The following BACE2 variants were observed in gnomAD, a reference collection of about 807,000 sequenced individuals.
BACE2 encodes the protein 56 kDa aspartic-like protease.
In BACE2, 17 loss-of-function variants were observed where a neutral mutation model predicts 46.2. That is an observed-to-expected ratio of 0.37 (90% CI 0.25 to 0.55). The LOEUF is 0.55. BACE2 is among the 20% of genes least tolerant of loss of function. The probability of loss-of-function intolerance (pLI) is 0.82; values close to 1 mark genes in which losing one functional copy is unlikely to be tolerated. For missense variants in BACE2, 595 were observed against 698.1 expected, an observed-to-expected ratio of 0.85 and a Z score of 1.66; for synonymous variants, 277 against 295.9, an observed-to-expected ratio of 0.94 and a Z score of 0.66.
intron 1 of BACE2, among the ~76,000 whole-genome samples, chr21:41,170,704 A>G (rs1984577938): frequency 6.6e-6 from 1 of 152,226 alleles, no homozygotes; most frequent in African/African-American, 2.4e-5. Flanking sequence ...TCATGCATTT[A>G]TTCTCTGCTG....
chr21:41,272,527 T>G (rs999461208), intron 8 of BACE2, among the ~76,000 whole-genome samples: 7 of 151,962 alleles, frequency 4.6e-5, no homozygotes, highest in South Asian at 2.1e-4. Context: ...ATTGTTTTGG[T>G]TTTTTTTAAA....
chr21:41,187,362 G>A (rs1275391256), intron 1 of BACE2, among the ~76,000 whole-genome samples: 1 of 152,224 alleles, frequency 6.6e-6, no homozygotes, highest in East Asian at 1.9e-4. Context: ...GTAGAGTCAA[G>A]TGCCCAGGAA....
chr21:41,172,776 G>A (rs1441471448), intron 1 of BACE2, among the ~76,000 whole-genome samples: 1 of 152,186 alleles, frequency 6.6e-6, no homozygotes, highest in African/African-American at 2.4e-5. Flanking sequence ...CAGCTGTGGA[G>A]AATCAAATTT....
intron 1 of BACE2, among the ~76,000 whole-genome samples, chr21:41,223,588 C>T (rs1401732332): frequency 6.6e-6 from 1 of 152,176 alleles, no homozygotes. Context: ...CGTGCATTTT[C>T]GTCTCCCTGG....
At chr21:41,239,834 C>T (rs1052610652) in intron 3 of BACE2, among the ~76,000 whole-genome samples, 3 of 152,192 alleles carry the variant, frequency 2.0e-5, no homozygotes, top group Admixed American at 1.3e-4. Context: ...TGAAAACTTC[C>T]GTTCCTAAAT....
intron 8 of BACE2, among the ~76,000 whole-genome samples, chr21:41,258,119 CT>C (rs748680590): frequency 3.9e-5 from 6 of 151,946 alleles, no homozygotes; most frequent in Non-Finnish European, 8.8e-5. Context: ...GAACGGCAGC[CT>C]TTCAAAACAA....
At chr21:41,188,149 A>G (rs9978584) in intron 1 of BACE2, among the ~76,000 whole-genome samples, 6,188 of 152,242 alleles carry the variant, frequency 0.041, 206 homozygotes, top group African/African-American at 0.092. Context: ...AGTGTCATTC[A>G]GAATGGTCGG....
intron 1 of BACE2, among the ~76,000 whole-genome samples, chr21:41,169,025 C>T (rs1207604859): frequency 7.3e-6 from 1 of 137,500 alleles, no homozygotes; most frequent in Non-Finnish European, 1.6e-5. Flanking sequence ...CATGCTGTCT[C>T]ATTGCTAAAG....
intron 7 of BACE2, among the ~76,000 whole-genome samples, chr21:41,252,880 G>A (rs1305967560): frequency 6.6e-6 from 1 of 151,698 alleles, no homozygotes; most frequent in Non-Finnish European, 1.5e-5. Context: ...CTTGGGGAAA[G>A]GATTGAAAGC....
At chr21:41,261,812 T>C (rs1987944631) in intron 8 of BACE2, among the ~76,000 whole-genome samples, 1 of 152,088 alleles carries the variant, frequency 6.6e-6, no homozygotes, top group African/African-American at 2.4e-5. Context: ...TTTTTTTATT[T>C]AAAAAATTTA....
chr21:41,168,285 C>G lies in BACE2; in HGVS notation c.22C>G (p.Leu8Val). MGALARA[L>V]LLPLLAQWLL... ...GGGCATGGGCGCACTGGCCCGGGCG[C>G]TGCTGCTGCCTCTGCTGGCCCAGTG... Residue 8 changes from leucine (L) to valine (V), a missense_variant, in exon 1 of 9, where the codon CTG becomes GTG. Coordinates refer to ENST00000330333, the MANE Select transcript of BACE2 (RefSeq NM_012105.5). 8.0e-7 allele frequency: 1 copy of G among 1,257,746 alleles called. No individual in the cohort carries two copies. Among genetic ancestry groups the G allele is most frequent in the Non-Finnish European group, 1.0e-6 (1 of 1,003,590 alleles). The allele number at this position is 1,257,746 out of a possible 1,614,324, so 77.9% of individuals were successfully genotyped here. A position where few individuals can be genotyped will look rare whatever the true frequency, so the allele number is the denominator to read the frequency against.
At chr21:41,212,915 T>C (rs62217952) in intron 1 of BACE2, among the ~76,000 whole-genome samples, 2,596 of 152,346 alleles carry the variant, frequency 0.017, 39 homozygotes, top group Non-Finnish European at 0.026. Context: ...GTTGACTAAG[T>C]TTAGCCTACC....
chr21:41,226,210 C>A, intron 1 of BACE2, 56 bp from the exon 2 acceptor site: 1 of 1,349,474 alleles, frequency 7.4e-7, no homozygotes, highest in Non-Finnish European at 1.1e-6. Flanking sequence ...AAGAGTATTG[C>A]CTTATTAAAA....
chr21:41,230,886 A>T (rs1360014184), intron 2 of BACE2, among the ~76,000 whole-genome samples: 1 of 152,240 alleles, frequency 6.6e-6, no homozygotes, highest in Non-Finnish European at 1.5e-5. Flanking sequence ...TTTTTTAGCC[A>T]ATAAAATCTC....
intron 8 of BACE2, among the ~76,000 whole-genome samples, chr21:41,266,060 T>C (rs112489639): frequency 2.0e-3 from 299 of 152,334 alleles, no homozygotes; most frequent in Non-Finnish European, 3.3e-3. Flanking sequence ...ATTTGGGAGA[T>C]GTATATCTGT....
intron 6 of BACE2, among the ~76,000 whole-genome samples, chr21:41,249,557 C>A (rs1987579155): frequency 6.6e-6 from 1 of 152,192 alleles, no homozygotes; most frequent in African/African-American, 2.4e-5. Context: ...TGTCTGTCTT[C>A]AGCACCTGCC....
chr21:41,250,968 C>T (rs998086495), intron 7 of BACE2, 67 bp downstream of exon 7: 22 of 1,434,394 alleles, frequency 1.5e-5, no homozygotes, highest in Middle Eastern at 1.8e-4. Flanking sequence ...ATGCATGACA[C>T]GTGTATTAGA....
intron 1 of BACE2, chr21:41,180,064 G>A (rs572065223): frequency 3.4e-5 from 9 of 265,806 alleles, no homozygotes; most frequent in South Asian, 1.5e-4. Context: ...CAGGCTGTGC[G>A]CCCACAGTAG....
rs532948671 is a variant in BACE2, at chr21:41,189,377, C to A, written c.312+20802C>A. Among the ~76,000 whole-genome samples, 21 of 152,298 alleles carry A rather than the reference C, an allele frequency of 1.4e-4. No individual in the cohort carries two copies. The South Asian group carries it at 4.4e-3, about 32-fold the overall frequency. On this transcript the variant is annotated intron_variant, in intron 1 of 8. Coordinates refer to ENST00000330333, the MANE Select transcript of BACE2 (RefSeq NM_012105.5). ...TGTCTGTCTTTTTGGTTCTTCTCTC[C>A]ATTTTCATTTCTGCCACCCACATTT...
Sources: allele counts gnomAD v4.1 joint callset (sites outside exome capture counted in the v4.1 genomes callset), GRCh38; gene constraint gnomAD v4.1.1; transcripts MANE v1.5; gene names NCBI Gene and HGNC (gene_info 2026-07-23, HGNC 2026-07-21).